BRD8: variants seen among roughly 807,000 people sequenced by gnomAD.
The protein encoded by BRD8 is bromodomain containing 8, also known as bromodomain-containing protein 8.
BRD8 carries 67 observed loss-of-function variants against 143.1 expected under a neutral mutation model. The observed-to-expected ratio is 0.47, with a 90% CI of 0.38 to 0.57. The LOEUF (loss-of-function observed/expected upper bound fraction) is 0.57. Ranked by LOEUF, BRD8 falls within the 20% of genes least tolerant of loss-of-function variation. BRD8 has a pLI of 0.00. For synonymous variants in BRD8, 505 were observed against 517.1 expected (o/e 0.98, Z 0.32); for missense variants, 1,103 against 1,503.0 (o/e 0.73, Z 4.40).
chr5:138,163,972 C>T, intron 14 of BRD8, 115 bp downstream of exon 14: 3 of 1,273,816 alleles, frequency 2.4e-6, no homozygotes, highest in Non-Finnish European at 3.4e-6. Context: ...CATGCAACTC[C>T]ATACCAGTCT....
rs549829202 is a variant in BRD8 at position 138,166,023 on chromosome 5, G to A, written c.1083C>T (p.Ser361=). 2 of 1,614,150 alleles carry A rather than the reference G, an allele frequency of 1.2e-6. No homozygotes were observed. The highest frequency in any genetic ancestry group is 2.2e-5 in the South Asian group (2 of 91,078). ...CTTCTTTGATAGAATTGATGATCATGGATATTTCACTGCTGTCCATGGAAA... is the reference window on the plus strand; with the variant it reads ...CTTCTTTGATAGAATTGATGATCATAGATATTTCACTGCTGTCCATGGAAA... ...VTVSMDSSEI[S]MIINSIKEEC... is the part of the protein sequence containing the mutation. Residue 361 remains serine (S), a synonymous_variant, in exon 11 of 27, where the codon TCC becomes TCT. Coordinates refer to ENST00000254900, the MANE Select transcript of BRD8 (RefSeq NM_139199.2).
chr5:138,171,434 GA>G, intron 3 of BRD8, 24 bp from the exon 4 acceptor site: 1 of 1,256,240 alleles, frequency 8.0e-7, no homozygotes, highest in Non-Finnish European at 1.1e-6. Flanking sequence ...AAAAAAAAGT[GA>G]AAATGTGATG....
At chr5:138,154,605 T>C (rs189645347) in intron 20 of BRD8, among the ~76,000 whole-genome samples, 6 of 152,312 alleles carry the variant, frequency 3.9e-5, no homozygotes, top group Admixed American at 3.3e-4. Context: ...TACCTTTCCA[T>C]TGCCTCACAA....
At chr5:138,149,607 T>C in intron 23 of BRD8, 33 bp downstream of exon 23, 1 of 1,542,262 alleles carries the variant, frequency 6.5e-7, no homozygotes, top group East Asian at 2.3e-5. Context: ...GAAGTACGAA[T>C]CTTAACAAAC....
intron 1 of BRD8, among the ~76,000 whole-genome samples, chr5:138,178,377 G>A (rs928196074): frequency 6.6e-6 from 1 of 152,126 alleles, no homozygotes; most frequent in Non-Finnish European, 1.5e-5. Flanking sequence ...GATTCACTAA[G>A]CTGCTTCTCT....
In BRD8 at chr5:138,152,664, AGT is replaced by A. The variant is rs1752419863; in HGVS notation, c.2672_2673del (p.Asp891ValfsTer6). 1 of 1,614,188 alleles carries A rather than the reference AGT, an allele frequency of 6.2e-7. No homozygotes were observed. Among genetic ancestry groups the A allele is most frequent in the Admixed American group, 1.7e-5 (1 of 60,026 alleles). On this transcript the variant is annotated frameshift_variant, in exon 21 of 27. Coordinates refer to ENST00000254900, the MANE Select transcript of BRD8 (RefSeq NM_139199.2). LOFTEE classifies it high-confidence loss of function. ...TTGCCCACATCAAGATCCAGACTGGAGTCCCATGAGCTGAAGAGGGACCTGCA... is the reference window on the plus strand; with the variant it reads ...TTGCCCACATCAAGATCCAGACTGGACCCATGAGCTGAAGAGGGACCTGCA... ...NDCRSLFSSW[D>X]SSLDLDVGNW...
Position 138,170,594 on chromosome 5 carries a change from C to T in BRD8, c.441-185G>A. 6 of 801,404 alleles carry T rather than the reference C, an allele frequency of 7.5e-6. No homozygotes were observed. In the South Asian group the frequency reaches 8.1e-5, roughly 11 times the overall value. 49.6% of individuals were successfully genotyped at this position (801,404 alleles called of 1,614,324 possible). On this transcript the variant is annotated intron_variant, in intron 6 of 26. Coordinates refer to ENST00000254900, the MANE Select transcript of BRD8 (RefSeq NM_139199.2). ...CCTAACTCCCAGTTCTTCACCCAGG[C>T]AAACTATAGCCACTCTTAAGTTAGA...
At chr5:138,165,802 T>A in intron 11 of BRD8, 26 bp downstream of exon 11, 1 of 1,600,766 alleles carries the variant, frequency 6.2e-7, no homozygotes, top group Non-Finnish European at 8.5e-7. Context: ...CCCATGAGAT[T>A]CTCTGGGGCT....
chr5:138,161,337 A>G, intron 17 of BRD8: 1 of 326,102 alleles, frequency 3.1e-6, no homozygotes, highest in Non-Finnish European at 5.6e-6. Flanking sequence ...GCAGTGGCAC[A>G]ATCATGGTTC....
intron 16 of BRD8, 43 bp downstream of exon 16, chr5:138,162,011 G>C (rs1753036874): frequency 1.3e-6 from 2 of 1,580,926 alleles, no homozygotes; most frequent in Non-Finnish European, 1.7e-6. Context: ...CAACAATGAA[G>C]AGTAGGAGAA....
chr5:138,143,990 A>T (rs554260189), intron 25 of BRD8, among the ~76,000 whole-genome samples: 26 of 152,252 alleles, frequency 1.7e-4, no homozygotes, highest in African/African-American at 6.0e-4. Flanking sequence ...CTCCGCAATA[A>T]ATCTTGCTGC....
chr5:138,153,413 C>A (rs1039647055), intron 20 of BRD8, among the ~76,000 whole-genome samples: 1 of 152,018 alleles, frequency 6.6e-6, no homozygotes, highest in Non-Finnish European at 1.5e-5. Flanking sequence ...CCTCTGCTTT[C>A]TTATTAATGT....
intron 20 of BRD8, among the ~76,000 whole-genome samples, chr5:138,154,341 C>T (rs1257969436): frequency 3.3e-5 from 5 of 152,026 alleles, no homozygotes; most frequent in African/African-American, 1.2e-4. Flanking sequence ...TTGCCACCCA[C>T]CACCCCCACC....
intron 25 of BRD8, among the ~76,000 whole-genome samples, chr5:138,142,254 C>T (rs955027830): frequency 6.6e-6 from 1 of 152,186 alleles, no homozygotes; most frequent in Non-Finnish European, 1.5e-5. Context: ...GAGTAACCCA[C>T]CTCACACACC....
At chr5:138,148,613 C>T (rs1203022442) in intron 23 of BRD8, among the ~76,000 whole-genome samples, 1 of 152,102 alleles carries the variant, frequency 6.6e-6, no homozygotes, top group African/African-American at 2.4e-5. Context: ...AAGCAATCCT[C>T]CTGCCTCTGC....
intron 25 of BRD8, among the ~76,000 whole-genome samples, chr5:138,142,706 T>C (rs1443419865): frequency 7.0e-6 from 1 of 142,668 alleles, no homozygotes; most frequent in Non-Finnish European, 1.5e-5. Context: ...GAGGTTGCAG[T>C]GAGCCGAGAT....
chr5:138,163,096 C>A (rs1185401998), intron 15 of BRD8, 34 bp downstream of exon 15: 1 of 1,588,818 alleles, frequency 6.3e-7, no homozygotes, highest in East Asian at 2.2e-5. Context: ...ACCTTCACTG[C>A]CTTGGCCTCA....
chr5:138,177,511 T>C (rs1581471321), intron 2 of BRD8, 60 bp downstream of exon 2: 1 of 958,280 alleles, frequency 1.0e-6, no homozygotes. Flanking sequence ...AATCTACCGA[T>C]GTGAAAGAGT....
chr5:138,144,918 A>AATATATATATAT (rs71583301), intron 25 of BRD8, among the ~76,000 whole-genome samples: 4 of 89,828 alleles, frequency 4.5e-5, no homozygotes, highest in Admixed American at 1.5e-4. Context: ...AAAAAAAAAA[A>AATATATATATAT]ATATATATAT....
Sources: allele counts gnomAD v4.1 joint callset (sites outside exome capture counted in the v4.1 genomes callset), GRCh38; gene constraint gnomAD v4.1.1; transcripts MANE v1.5; gene names NCBI Gene and HGNC (gene_info 2026-07-23, HGNC 2026-07-21).